ZZZ3: variants seen among roughly 807,000 people sequenced by gnomAD.
ZZZ3 encodes the protein ZZ-type zinc finger-containing protein 3.
Under a neutral mutation model 95.2 loss-of-function variants are expected in ZZZ3, and 22 were observed. The ratio of observed to expected loss-of-function variants is 0.23; its 90% CI spans 0.17 to 0.33. The LOEUF is 0.33. ZZZ3 is among the 10% of genes least tolerant of loss of function. The pLI, the probability that ZZZ3 is intolerant of heterozygous loss-of-function variation, is 1.00. For synonymous variants in ZZZ3, 335 were observed against 358.9 expected, an observed-to-expected ratio of 0.93 and a Z score of 0.75; for missense variants, 885 against 1,066.5, an observed-to-expected ratio of 0.83 and a Z score of 2.37.
At chr1:77,658,121 G>A (rs1376808040) in intron 1 of ZZZ3, among the ~76,000 whole-genome samples, 1 of 149,884 alleles carries the variant, frequency 6.7e-6, no homozygotes, top group Non-Finnish European at 1.5e-5. Context: ...AGAGGTTGCG[G>A]CGAGCTGAGA....
At chr1:77,612,866 A>G (rs1300711522) in intron 5 of ZZZ3, among the ~76,000 whole-genome samples, 1 of 152,046 alleles carries the variant, frequency 6.6e-6, no homozygotes, top group African/African-American at 2.4e-5. Flanking sequence ...AAGTTTAGAG[A>G]GCTAATATAC....
At chr1:77,642,645 T>C (rs1262335528) in intron 1 of ZZZ3, among the ~76,000 whole-genome samples, 1 of 151,514 alleles carries the variant, frequency 6.6e-6, no homozygotes, top group South Asian at 2.1e-4. Context: ...TAGTCCCAAG[T>C]ACTTGGTTGA....
intron 5 of ZZZ3, among the ~76,000 whole-genome samples, chr1:77,631,107 A>G (rs1667767717): frequency 6.6e-6 from 1 of 152,214 alleles, no homozygotes; most frequent in African/African-American, 2.4e-5. Context: ...GGCCCTGAAT[A>G]CTTTATAGGA....
chr1:77,615,263 G>A (rs1666198771), intron 5 of ZZZ3, among the ~76,000 whole-genome samples: 2 of 152,216 alleles, frequency 1.3e-5, no homozygotes, highest in South Asian at 2.1e-4. Context: ...ATCAATAACA[G>A]TATGAATTCC....
chr1:77,588,349 G>A (rs756547213), intron 5 of ZZZ3, among the ~76,000 whole-genome samples: 2 of 152,124 alleles, frequency 1.3e-5, no homozygotes, highest in Non-Finnish European at 2.9e-5. Flanking sequence ...TTATGGTGGA[G>A]CTGCAATGTG....
intron 5 of ZZZ3, among the ~76,000 whole-genome samples, chr1:77,623,483 T>C (rs975338139): frequency 6.6e-6 from 1 of 152,116 alleles, no homozygotes; most frequent in Non-Finnish European, 1.5e-5. Flanking sequence ...CTATCAACCA[T>C]AGTAAATTAC....
intron 5 of ZZZ3, among the ~76,000 whole-genome samples, chr1:77,616,215 G>A (rs1034961402): frequency 5.3e-5 from 8 of 152,088 alleles, no homozygotes; most frequent in African/African-American, 1.9e-4. Flanking sequence ...TGGCTTCATA[G>A]TTTCTGAGTA....
At chr1:77,602,694 C>T (rs1334759391) in intron 5 of ZZZ3, among the ~76,000 whole-genome samples, 1 of 148,724 alleles carries the variant, frequency 6.7e-6, no homozygotes, top group Non-Finnish European at 1.5e-5. Flanking sequence ...CAACATCTGC[C>T]TCCTGGGTTC....
intron 1 of ZZZ3, among the ~76,000 whole-genome samples, chr1:77,674,229 A>C (rs1013032536): frequency 6.6e-6 from 1 of 152,206 alleles, no homozygotes; most frequent in Non-Finnish European, 1.5e-5. Context: ...CTAAGTGTTG[A>C]GATCTCAAGG....
At chr1:77,582,623 G>T (rs1396794353) in intron 6 of ZZZ3, among the ~76,000 whole-genome samples, 1 of 149,010 alleles carries the variant, frequency 6.7e-6, no homozygotes, top group African/African-American at 2.5e-5. Context: ...AAACCTAGTA[G>T]GAAAATTTTT....
At chr1:77,667,799 T>A (rs1452926407) in intron 1 of ZZZ3, among the ~76,000 whole-genome samples, 1 of 146,514 alleles carries the variant, frequency 6.8e-6, no homozygotes, top group Non-Finnish European at 1.5e-5. Flanking sequence ...AGAGTCTCGC[T>A]CTGTTGCCCA....
intron 11 of ZZZ3, among the ~76,000 whole-genome samples, chr1:77,578,321 GC>G (rs1218087118): frequency 2.0e-5 from 3 of 152,102 alleles, no homozygotes; most frequent in African/African-American, 7.2e-5. Flanking sequence ...TGTTCCTCGT[GC>G]CTCAGCCTCC....
At chr1:77,601,986 C>T (rs886101308) in intron 5 of ZZZ3, among the ~76,000 whole-genome samples, 1 of 152,132 alleles carries the variant, frequency 6.6e-6, no homozygotes, top group Non-Finnish European at 1.5e-5. Context: ...TTCCGCTCTG[C>T]TAATCTGCTG....
intron 1 of ZZZ3, among the ~76,000 whole-genome samples, chr1:77,668,129 T>A (rs929887469): frequency 5.3e-5 from 8 of 152,172 alleles, no homozygotes; most frequent in Non-Finnish European, 1.0e-4. Flanking sequence ...TCATATTAAT[T>A]TCTTTAGATT....
intron 1 of ZZZ3, among the ~76,000 whole-genome samples, chr1:77,665,663 C>G (rs1671180647): frequency 6.6e-6 from 1 of 152,180 alleles, no homozygotes; most frequent in African/African-American, 2.4e-5. Context: ...TTGTGATTCA[C>G]TGTCTCATTC....
At chr1:77,573,444 G>T (rs1661616259) in intron 12 of ZZZ3, among the ~76,000 whole-genome samples, 1 of 152,142 alleles carries the variant, frequency 6.6e-6, no homozygotes. Flanking sequence ...TTAAATGTGT[G>T]ATTTACTGAT....
chr1:77,611,853 A>ATAAG (rs1287857561), intron 5 of ZZZ3, among the ~76,000 whole-genome samples: 1 of 152,022 alleles, frequency 6.6e-6, no homozygotes, highest in Non-Finnish European at 1.5e-5. Flanking sequence ...AGACCTAAAT[A>ATAAG]TAAGACCCAA....
intron 5 of ZZZ3, among the ~76,000 whole-genome samples, chr1:77,614,238 C>T (rs1187224505): frequency 3.9e-5 from 6 of 152,220 alleles, no homozygotes; most frequent in East Asian, 1.9e-4. Flanking sequence ...GCTGTAAAAC[C>T]GGATGCCTCT....
At chr1:77,673,554 G>A (rs955056050) in intron 1 of ZZZ3, among the ~76,000 whole-genome samples, 3 of 152,190 alleles carry the variant, frequency 2.0e-5, no homozygotes, top group African/African-American at 7.2e-5. Context: ...CTGAGATCGC[G>A]CCACTGCACT....
Sources: allele counts gnomAD v4.1 joint callset (sites outside exome capture counted in the v4.1 genomes callset), GRCh38; gene constraint gnomAD v4.1.1; transcripts MANE v1.5; gene names NCBI Gene and HGNC (gene_info 2026-07-23, HGNC 2026-07-21).